Variants in TTLL7 observed in about 807,000 individuals in gnomAD.
TTLL7 encodes the protein tubulin polyglutamylase TTLL7.
TTLL7 carries 53 observed loss-of-function variants against 120.2 expected under a neutral mutation model. The observed-to-expected ratio is 0.44, with a 90% CI of 0.35 to 0.55. TTLL7 has a LOEUF of 0.55. TTLL7 is among the 20% of genes least tolerant of loss of function. The pLI, the probability that TTLL7 is intolerant of heterozygous loss-of-function variation, is 0.00. For missense variants in TTLL7, 803 were observed against 1,054.7 expected, an observed-to-expected ratio of 0.76 and a Z score of 3.31; for synonymous variants, 353 against 351.7, an observed-to-expected ratio of 1.00 and a Z score of -0.04.
chr1:83,917,882 T>G (rs1292623373), intron 13 of TTLL7, among the ~76,000 whole-genome samples, 192 bp from the exon 14 acceptor site: 1 of 152,152 alleles, frequency 6.6e-6, no homozygotes, highest in Non-Finnish European at 1.5e-5. Flanking sequence ...TCTGGCATTA[T>G]AATTAATACA....
intron 16 of TTLL7, 67 bp downstream of exon 16, chr1:83,907,389 C>A: frequency 1.4e-6 from 2 of 1,405,160 alleles, no homozygotes; most frequent in Non-Finnish European, 2.0e-6. Flanking sequence ...GTCCTCCTCT[C>A]ATCTGATCCC....
At chr1:83,916,152 A>G (rs1557631889) in intron 14 of TTLL7, among the ~76,000 whole-genome samples, 1 of 152,238 alleles carries the variant, frequency 6.6e-6, no homozygotes, top group African/African-American at 2.4e-5. Flanking sequence ...TATATCCCCA[A>G]AGGATTATAA....
intron 7 of TTLL7, among the ~76,000 whole-genome samples, chr1:83,939,103 T>A (rs1009608598): frequency 1.3e-5 from 2 of 152,186 alleles, no homozygotes; most frequent in African/African-American, 4.8e-5. Flanking sequence ...TGCAGCAATC[T>A]CCGCTGGGCA....
intron 1 of TTLL7, among the ~76,000 whole-genome samples, chr1:83,997,409 G>A (rs1436898335): frequency 6.6e-6 from 1 of 152,174 alleles, no homozygotes; most frequent in Non-Finnish European, 1.5e-5. Context: ...TTTACAGAAG[G>A]AGCATAGAAG....
At chr1:83,967,653 G>A (rs1324511175) in intron 1 of TTLL7, among the ~76,000 whole-genome samples, 2 of 151,900 alleles carry the variant, frequency 1.3e-5, no homozygotes, top group East Asian at 3.9e-4. Context: ...AGAGAAAGTG[G>A]AACTAAGACC....
At chr1:83,877,289 T>C (rs932893393) in intron 20 of TTLL7, among the ~76,000 whole-genome samples, 1 of 151,978 alleles carries the variant, frequency 6.6e-6, no homozygotes, top group African/African-American at 2.4e-5. Context: ...TAATATTTGG[T>C]TTAGGAGTTT....
In TTLL7 at chr1:83,937,782, C is replaced by T. The variant is rs1227857819; in HGVS notation, c.888+70G>A. 1.9e-6 allele frequency: 3 copies of T among 1,570,470 alleles called. No homozygotes were observed. The East Asian group carries it at 6.7e-5, about 35-fold the overall frequency. ...GTTCAATCAACTCTTAATGAACTTT[C>T]ATGGCCTGACAATGCTTCAAATTAT... On this transcript the variant is annotated intron_variant, in intron 8 of 20. Coordinates refer to ENST00000260505, the MANE Select transcript of TTLL7 (RefSeq NM_024686.6).
intron 1 of TTLL7, among the ~76,000 whole-genome samples, chr1:83,985,399 C>A (rs1571393141): frequency 6.6e-6 from 1 of 152,226 alleles, no homozygotes. Flanking sequence ...CTGCTTTGTT[C>A]TAGCCACACT....
chr1:83,986,782 G>A (rs1296452308), intron 1 of TTLL7, among the ~76,000 whole-genome samples: 1 of 152,158 alleles, frequency 6.6e-6, no homozygotes, highest in African/African-American at 2.4e-5. Context: ...AGAGGTTGCA[G>A]GGAGCCAAGA....
chr1:83,905,193 C>T (rs2100759374), intron 17 of TTLL7, among the ~76,000 whole-genome samples: 1 of 151,812 alleles, frequency 6.6e-6, no homozygotes, highest in South Asian at 2.1e-4. Context: ...TACTTAACAT[C>T]CAATGCTTTC....
At chr1:83,917,540 T>C (rs1174443339) in intron 14 of TTLL7, 64 bp downstream of exon 14, 3 of 1,177,506 alleles carry the variant, frequency 2.5e-6, no homozygotes, top group Non-Finnish European at 3.8e-6. Flanking sequence ...TTTCTTATAG[T>C]GAGAAGTATC....
chr1:83,889,022 T>C (rs77569771), intron 19 of TTLL7, among the ~76,000 whole-genome samples: 6,343 of 152,070 alleles, frequency 0.042, 156 homozygotes, highest in Middle Eastern at 0.099. Context: ...GATGTATTAG[T>C]CCATTCTCGC....
intron 10 of TTLL7, among the ~76,000 whole-genome samples, chr1:83,926,098 T>A (rs1382466428): frequency 1.4e-5 from 2 of 145,244 alleles, no homozygotes; most frequent in African/African-American, 2.5e-5. Context: ...TCCAGTCTCT[T>A]TTGGGACTCT....
At chr1:83,947,386 T>C (rs1648607073) in intron 5 of TTLL7, 104 bp from the exon 6 acceptor site, 3 of 1,019,542 alleles carry the variant, frequency 2.9e-6, no homozygotes, top group Non-Finnish European at 4.2e-6. Context: ...ATTTTCTCCA[T>C]TCCTTCATTT....
At chr1:83,962,873 G>C (rs1312024605) in intron 1 of TTLL7, among the ~76,000 whole-genome samples, 1 of 152,120 alleles carries the variant, frequency 6.6e-6, no homozygotes, top group Non-Finnish European at 1.5e-5. Flanking sequence ...TCCAGAGAAA[G>C]TAAACCTCCA....
At position 83,904,065 on chromosome 1, in the gene TTLL7, T is replaced by G; in HGVS notation, c.2208+14A>C. The G allele has an allele frequency of 1.2e-6, 2 of 1,607,478 alleles. No homozygotes were observed. Among genetic ancestry groups the G allele is most frequent in the Non-Finnish European group, 8.5e-7 (1 of 1,175,246 alleles). ...AATCCAAGAGGGAAAAAACTTGTTT[T>G]GAGCATTACTCACTTTTCGTTGTTT... On this transcript the variant is annotated intron_variant, in intron 18 of 20. Coordinates refer to ENST00000260505, the MANE Select transcript of TTLL7 (RefSeq NM_024686.6).
chr1:83,896,315 A>G (rs777161683), intron 18 of TTLL7, among the ~76,000 whole-genome samples: 5 of 152,114 alleles, frequency 3.3e-5, no homozygotes, highest in Admixed American at 6.6e-5. Flanking sequence ...TCAGTCAATG[A>G]CAACATTAAT....
intron 1 of TTLL7, among the ~76,000 whole-genome samples, chr1:83,990,405 G>A (rs1652882612): frequency 1.3e-5 from 2 of 152,078 alleles, no homozygotes; most frequent in South Asian, 4.1e-4. Flanking sequence ...TCGATCTCCT[G>A]ACCTCATGAT....
rs186178250 is a variant in TTLL7 at position 83,958,154 on chromosome 1, A to G, written c.-176-5767T>C. Among the ~76,000 whole-genome samples the G allele has an allele frequency of 2.0e-5, 3 of 152,352 alleles. No homozygotes were observed. The East Asian group carries it at 5.8e-4, about 29-fold the overall frequency. On this transcript the variant is annotated intron_variant, in intron 1 of 20. Transcript: ENST00000260505. ...ATGTGCCAGGCACTTTTTGAGGTTT[A>G]TACATATAAAACTCTGACCTTCAAA...
Sources: allele counts gnomAD v4.1 joint callset (sites outside exome capture counted in the v4.1 genomes callset), GRCh38; gene constraint gnomAD v4.1.1; transcripts MANE v1.5; gene names NCBI Gene and HGNC (gene_info 2026-07-23, HGNC 2026-07-21).